TRERF1: variants seen among roughly 807,000 people sequenced by gnomAD.
The protein encoded by TRERF1 is transcriptional regulating factor 1, also known as transcriptional-regulating factor 1.
TRERF1 carries 27 observed loss-of-function variants against 122.9 expected under a neutral mutation model. The ratio of observed to expected loss-of-function variants is 0.22; its 90% confidence interval spans 0.16 to 0.30. The LOEUF (loss-of-function observed/expected upper bound fraction) is 0.30. Ranked by LOEUF, TRERF1 falls within the 10% of genes least tolerant of loss-of-function variation. The pLI, the probability that TRERF1 is intolerant of heterozygous loss-of-function variation, is 1.00. For missense variants in TRERF1, 1,248 were observed against 1,560.3 expected, an observed-to-expected ratio of 0.80 and a Z score of 3.37; for synonymous variants, 636 against 641.7, an observed-to-expected ratio of 0.99 and a Z score of 0.13.
intron 2 of TRERF1, among the ~76,000 whole-genome samples, chr6:42,397,857 C>T (rs1778853221): frequency 6.6e-6 from 1 of 152,206 alleles, no homozygotes; most frequent in African/African-American, 2.4e-5. Flanking sequence ...ACCAACATTA[C>T]AGAGCAGTGG....
rs747930651 is a variant in TRERF1, at chr6:42,228,298, A to T, written c.*47T>A. On this transcript the variant is annotated 3_prime_UTR_variant, in exon 18 of 18. Coordinates refer to ENST00000372922, the Ensembl canonical transcript of TRERF1. The surrounding 1 kb of genome is among the most constrained non-coding windows in gnomAD (Gnocchi z 4.2). Reference sequence around the variant, plus strand: ...GCAGTCCAGGTTTCCTGATTAATGAAGATGGAGGCCGTGGGTTTTCACTGT... The same window carrying T: ...GCAGTCCAGGTTTCCTGATTAATGATGATGGAGGCCGTGGGTTTTCACTGT... 2.5e-5 allele frequency: 38 copies of T among 1,505,724 alleles called. No individual in the cohort carries two copies. The Admixed American group carries it at 8.0e-4, about 32-fold the overall frequency. 93.3% of individuals were successfully genotyped at this position (1,505,724 alleles called of 1,614,324 possible).
At chr6:42,302,361 T>C (rs1786362966) in intron 3 of TRERF1, among the ~76,000 whole-genome samples, 1 of 152,240 alleles carries the variant, frequency 6.6e-6, no homozygotes, top group South Asian at 2.1e-4. Context: ...CCCATTTGAA[T>C]GTTTAAGAGA....
chr6:42,245,205 A>G (rs1291597473), intron 14 of TRERF1, among the ~76,000 whole-genome samples: 2 of 152,350 alleles, frequency 1.3e-5, no homozygotes, highest in East Asian at 3.9e-4. Context: ...CCAGTCCTGG[A>G]GGGGAGGGTG....
chr6:42,243,768 G>A (rs979061512), intron 14 of TRERF1, among the ~76,000 whole-genome samples: 5 of 151,558 alleles, frequency 3.3e-5, no homozygotes, highest in African/African-American at 4.9e-5. Flanking sequence ...TTTTAGTAGA[G>A]ACGGGGTTTC....
At chr6:42,334,843 C>G (rs1765864362) in intron 3 of TRERF1, among the ~76,000 whole-genome samples, 1 of 152,204 alleles carries the variant, frequency 6.6e-6, no homozygotes, top group Non-Finnish European at 1.5e-5. Context: ...CCCACGTGTG[C>G]TTGAGTGAGG....
At chr6:42,377,774 C>G (rs1775169549) in intron 2 of TRERF1, among the ~76,000 whole-genome samples, 1 of 152,166 alleles carries the variant, frequency 6.6e-6, no homozygotes, top group South Asian at 2.1e-4. Flanking sequence ...ATAGAAATAA[C>G]TCAAATTCCT....
At chr6:42,238,694 A>G (rs1286559348) in intron 15 of TRERF1, among the ~76,000 whole-genome samples, 1 of 152,110 alleles carries the variant, frequency 6.6e-6, no homozygotes, top group Non-Finnish European at 1.5e-5. Flanking sequence ...ATGCAAATGG[A>G]ATTCATATTA....
chr6:42,288,574 CAAAAAA>C (rs3074797), intron 4 of TRERF1, among the ~76,000 whole-genome samples: 1 of 86,548 alleles, frequency 1.2e-5, no homozygotes, highest in Non-Finnish European at 2.2e-5. Context: ...ATCTCAAAAC[CAAAAAA>C]AAAAAAAAAA....
At chr6:42,272,008 A>G (rs1780302939) in intron 4 of TRERF1, among the ~76,000 whole-genome samples, 1 of 152,220 alleles carries the variant, frequency 6.6e-6, no homozygotes. Context: ...GAGGTATTAA[A>G]TTGCTATGGT....
At chr6:42,261,125 G>A (rs964492128) in intron 8 of TRERF1, among the ~76,000 whole-genome samples, 2 of 152,160 alleles carry the variant, frequency 1.3e-5, no homozygotes, top group African/African-American at 4.8e-5. Context: ...CTCAGCGCCT[G>A]AGGCTGAGGC....
chr6:42,262,468 A>C (rs866191148), intron 8 of TRERF1, among the ~76,000 whole-genome samples: 5 of 2,950 alleles, frequency 1.7e-3, no homozygotes, highest in Non-Finnish European at 3.2e-3. Context: ...GAGAGAGAGG[A>C]GAGAGAGAGA....
rs1451575027 is a variant in TRERF1, at chr6:42,419,547, A to G, written c.-454+31630T>C. Among the ~76,000 whole-genome samples the G allele has an allele frequency of 2.0e-5, 3 of 152,058 alleles. No homozygotes were observed. In the East Asian group the frequency reaches 5.8e-4, roughly 29 times the overall value. ...GTGCGCAGAACCTCAGCACCTTACTATACACTGGGGGGATTCACAAGACAC... is the reference window on the plus strand; with the variant it reads ...GTGCGCAGAACCTCAGCACCTTACTGTACACTGGGGGGATTCACAAGACAC... On this transcript the variant is annotated intron_variant, in intron 2 of 17. Coordinates refer to ENST00000372922, the Ensembl canonical transcript of TRERF1.
chr6:42,299,151 T>G (rs1785666737), intron 4 of TRERF1, among the ~76,000 whole-genome samples: 1 of 151,406 alleles, frequency 6.6e-6, no homozygotes, highest in Admixed American at 6.6e-5. Flanking sequence ...TATATATATA[T>G]CTAGCTAGCT....
chr6:42,411,866 T>G (rs1192607893), intron 2 of TRERF1, among the ~76,000 whole-genome samples: 1 of 152,206 alleles, frequency 6.6e-6, no homozygotes, highest in Non-Finnish European at 1.5e-5. Flanking sequence ...TCTGAAAATC[T>G]TGGCCTTTGG....
chr6:42,443,087 C>T lies in TRERF1; in HGVS notation c.-454+8090G>A, dbSNP rs143472227. Among the ~76,000 whole-genome samples, 1,308 of 152,182 alleles carry T rather than the reference C, an allele frequency of 8.6e-3. 8 individuals carry two copies. The highest frequency in any genetic ancestry group is 0.014 in the Non-Finnish European group (944 of 67,982). ...TCCATTTCCTCTCTCTCTGATTTTT[C>T]GTTGATTTCTTCCTTCTCTCTATGA... On this transcript the variant is annotated intron_variant, in intron 2 of 17. Coordinates refer to ENST00000372922, the Ensembl canonical transcript of TRERF1.
At chr6:42,302,863 C>T (rs1227458729) in intron 3 of TRERF1, among the ~76,000 whole-genome samples, 1 of 152,188 alleles carries the variant, frequency 6.6e-6, no homozygotes, top group African/African-American at 2.4e-5. Context: ...TTTCTAGGGT[C>T]CTCTCTGCAG....
At chr6:42,369,412 C>G (rs1773363427) in intron 2 of TRERF1, among the ~76,000 whole-genome samples, 3 of 152,132 alleles carry the variant, frequency 2.0e-5, no homozygotes, top group African/African-American at 7.2e-5. Flanking sequence ...CCACTGCACT[C>G]CAACCTGGGC....
rs148053008 is a variant in TRERF1 at position 42,347,064 on chromosome 6, G to A, written c.-371+15933C>T. On this transcript the variant is annotated intron_variant, in intron 3 of 17. Transcript: ENST00000372922. ...CTTTATTCCACTGTTTCACAGACAC[G>A]AGCTTATCAGCCATCCAGTTGGGAG... 3.8e-4 allele frequency among the ~76,000 whole-genome samples: 58 copies of A among 152,268 alleles called. 1 individual carries two copies. The East Asian group carries it at 9.8e-3, about 26-fold the overall frequency.
At position 42,440,364 on chromosome 6, in the gene TRERF1, G is replaced by A. The variant is rs567890264; in HGVS notation, c.-454+10813C>T. ...GGTCCTGAGTTTGGATACCAGCTCCGCCACGCAGCACCTGTCCTTAAACAA... is the reference window on the plus strand; with the variant it reads ...GGTCCTGAGTTTGGATACCAGCTCCACCACGCAGCACCTGTCCTTAAACAA... On this transcript the variant is annotated intron_variant, in intron 2 of 17. Transcript: ENST00000372922. Among the ~76,000 whole-genome samples, 4 of 152,228 alleles carry A rather than the reference G, an allele frequency of 2.6e-5. No individual in the cohort carries two copies. The East Asian group carries it at 7.7e-4, about 29-fold the overall frequency.
Sources: gnomAD v4.1 joint callset for allele counts (sites outside exome capture counted in the v4.1 genomes callset) on GRCh38, gnomAD v4.1.1 for gene constraint, Gnocchi (gnomAD v3.1) non-coding constraint, MANE v1.5 for transcripts, NCBI Gene and HGNC (gene_info 2026-07-23, HGNC 2026-07-21) for gene names.